The following PRKG1 variants were observed in gnomAD, a reference collection of about 807,000 sequenced individuals.
PRKG1 encodes cGMP-dependent protein kinase 1.
PRKG1 carries 35 observed loss-of-function variants against 88.1 expected under a neutral mutation model. The observed-to-expected ratio is 0.40, with a 90% CI of 0.30 to 0.53. The LOEUF is 0.53. Among genes scored for constraint, PRKG1 ranks in the 20% least tolerant of loss-of-function variants. The probability of loss-of-function intolerance (pLI) is 0.59; values close to 1 mark genes in which losing one functional copy is unlikely to be tolerated. For missense variants in PRKG1, 540 were observed against 839.8 expected (o/e 0.64, Z 4.41); for synonymous variants, 303 against 292.5 (o/e 1.04, Z -0.37).
intron 5 of PRKG1, among the ~76,000 whole-genome samples, chr10:51,981,428 T>A (rs924984954): frequency 6.6e-6 from 1 of 151,848 alleles, no homozygotes; most frequent in Non-Finnish European, 1.5e-5. Context: ...CTACTAAGAA[T>A]ACAAAAAATT....
At chr10:51,722,088 G>T (rs1273843092) in intron 3 of PRKG1, among the ~76,000 whole-genome samples, 1 of 152,064 alleles carries the variant, frequency 6.6e-6, no homozygotes, top group Non-Finnish European at 1.5e-5. Context: ...AAATTAGCTG[G>T]GCATGGTGGT....
chr10:52,240,234 C>T (rs1293469172), intron 9 of PRKG1, among the ~76,000 whole-genome samples: 2 of 152,130 alleles, frequency 1.3e-5, no homozygotes, highest in African/African-American at 4.8e-5. Context: ...GCACTTGAAA[C>T]GCTGTGATGA....
chr10:51,410,375 A>G (rs1021414990), intron 2 of PRKG1, among the ~76,000 whole-genome samples: 7 of 151,810 alleles, frequency 4.6e-5, no homozygotes, highest in African/African-American at 1.5e-4. Flanking sequence ...AAGGAGAGCC[A>G]CTCCGAGTCC....
chr10:51,678,234 C>G (rs1004835468), intron 3 of PRKG1, among the ~76,000 whole-genome samples: 4 of 152,080 alleles, frequency 2.6e-5, no homozygotes, highest in Non-Finnish European at 4.4e-5. Context: ...GGGCTCCCTA[C>G]AAGCAACAAG....
chr10:51,351,516 T>C (rs1372087277), intron 2 of PRKG1, among the ~76,000 whole-genome samples: 1 of 109,414 alleles, frequency 9.1e-6, no homozygotes, highest in Non-Finnish European at 1.8e-5. Context: ...TGATGATGAG[T>C]TTTTTTTTCA....
intron 3 of PRKG1, among the ~76,000 whole-genome samples, chr10:51,597,115 T>C (rs1360682905): frequency 6.6e-6 from 1 of 152,224 alleles, no homozygotes; most frequent in Non-Finnish European, 1.5e-5. Flanking sequence ...TTCATTCTTA[T>C]TCTAGTTGGT....
Position 51,557,754 on chromosome 10 carries a change from A to G in PRKG1, c.592+89918A>G, listed in dbSNP as rs117047718. Among the ~76,000 whole-genome samples the G allele has an allele frequency of 9.2e-4, 140 of 152,178 alleles. 2 individuals are homozygous for G. The East Asian group carries it at 0.025, about 27-fold the overall frequency. The stretch of plus-strand genomic sequence containing the variant: ...GGGTTGAACCTGAATGATGACCTTA[A>G]GACCATGCCTCAGAGTGTGGTTCTC... On this transcript the variant is annotated intron_variant, in intron 3 of 17. Coordinates refer to ENST00000373980, the MANE Select transcript of PRKG1 (RefSeq NM_006258.4).
At chr10:51,629,536 G>A (rs1413061975) in intron 3 of PRKG1, among the ~76,000 whole-genome samples, 1 of 151,728 alleles carries the variant, frequency 6.6e-6, no homozygotes, top group Non-Finnish European at 1.5e-5. Context: ...GATTGCTGTC[G>A]CTGCAGAAAA....
At chr10:51,542,596 A>T (rs912572203) in intron 3 of PRKG1, among the ~76,000 whole-genome samples, 5 of 152,204 alleles carry the variant, frequency 3.3e-5, no homozygotes, top group African/African-American at 1.2e-4. Flanking sequence ...GGCCAGTGCC[A>T]ATGCTCAACT....
chr10:51,944,337 T>C (rs908610037), intron 5 of PRKG1, among the ~76,000 whole-genome samples: 19 of 152,078 alleles, frequency 1.2e-4, no homozygotes, highest in Non-Finnish European at 2.4e-4. Context: ...TATTTGATTC[T>C]TTTCTCTTTT....
intron 2 of PRKG1, among the ~76,000 whole-genome samples, chr10:51,335,963 G>T (rs1303708011): frequency 4.6e-5 from 7 of 152,148 alleles, no homozygotes; most frequent in African/African-American, 7.2e-5. Flanking sequence ...TATAAATGGT[G>T]ATTTGATTTC....
intron 3 of PRKG1, among the ~76,000 whole-genome samples, chr10:51,722,970 G>A (rs970185285): frequency 4.6e-5 from 7 of 152,088 alleles, no homozygotes; most frequent in African/African-American, 7.2e-5. Flanking sequence ...CGTGTTCTCT[G>A]TGGCTCATCC....
chr10:51,814,351 T>A (rs922690222), intron 4 of PRKG1, among the ~76,000 whole-genome samples: 1 of 152,206 alleles, frequency 6.6e-6, no homozygotes, highest in Non-Finnish European at 1.5e-5. Flanking sequence ...GATTTCCCTT[T>A]CCCCATATTT....
At chr10:51,119,253 C>CAATGGAA (rs1845205773) in intron 1 of PRKG1, among the ~76,000 whole-genome samples, 1 of 151,952 alleles carries the variant, frequency 6.6e-6, no homozygotes, top group South Asian at 2.1e-4. Flanking sequence ...TTTCAGGGAG[C>CAATGGAA]AATGGAAAAT....
At chr10:51,076,249 T>C (rs943356252) in intron 1 of PRKG1, among the ~76,000 whole-genome samples, 5 of 152,158 alleles carry the variant, frequency 3.3e-5, no homozygotes, top group Non-Finnish European at 5.9e-5. Flanking sequence ...GCGAGGGAGT[T>C]GGAAAGAGAC....
rs923114496 is a variant in PRKG1 at position 52,295,222 on chromosome 10, A to C, written c.*1322A>C. The C allele has an allele frequency of 1.3e-5, 2 of 152,112 alleles. No homozygotes were observed. The highest frequency in any genetic ancestry group is 2.9e-5 in the Non-Finnish European group (2 of 67,990). The allele number at this position is 152,112 out of a possible 1,614,324, so 9.4% of individuals were successfully genotyped here. ...TGGAACATTACTTATTTGAGGTCAG[A>C]GAACAAAACAAGAACCTGGCCAGGT... On this transcript the variant is annotated 3_prime_UTR_variant, in exon 18 of 18. Coordinates refer to ENST00000373980, the MANE Select transcript of PRKG1 (RefSeq NM_006258.4).
At chr10:51,913,086 A>T (rs1842257250) in intron 5 of PRKG1, among the ~76,000 whole-genome samples, 1 of 151,754 alleles carries the variant, frequency 6.6e-6, no homozygotes. Flanking sequence ...GTGCCTCCAT[A>T]CCTGATTAAT....
intron 2 of PRKG1, among the ~76,000 whole-genome samples, chr10:51,388,619 T>G (rs1370566576): frequency 6.6e-6 from 1 of 152,178 alleles, no homozygotes; most frequent in Non-Finnish European, 1.5e-5. Context: ...AAAAAAAAAT[T>G]CTGTCTTTCC....
intron 7 of PRKG1, among the ~76,000 whole-genome samples, chr10:52,070,098 A>C (rs1846459200): frequency 1.3e-5 from 2 of 152,216 alleles, no homozygotes; most frequent in African/African-American, 4.8e-5. Flanking sequence ...ACTGGTCCCC[A>C]AATATTAATC....
Sources: gnomAD v4.1 joint callset for allele counts (sites outside exome capture counted in the v4.1 genomes callset) on GRCh38, gnomAD v4.1.1 for gene constraint, MANE v1.5 for transcripts, NCBI Gene and HGNC (gene_info 2026-07-23, HGNC 2026-07-21) for gene names.